Variants in MYOF observed in about 807,000 individuals in gnomAD.
MYOF encodes myoferlin.
Under a neutral mutation model 284.2 loss-of-function variants are expected in MYOF, and 244 were observed. The observed-to-expected ratio is 0.86, with a 90% CI of 0.77 to 0.95. The LOEUF is 0.95. Among genes scored for constraint, MYOF ranks in the 40% least tolerant of loss-of-function variants. MYOF has a pLI of 0.00. For synonymous variants in MYOF, 904 were observed against 919.7 expected (o/e 0.98, Z 0.31); for missense variants, 2,496 against 2,560.6 (o/e 0.97, Z 0.54).
intron 5 of MYOF, among the ~76,000 whole-genome samples, chr10:93,420,572 T>C (rs1028481381): frequency 4.6e-5 from 7 of 152,250 alleles, no homozygotes; most frequent in African/African-American, 1.7e-4. Flanking sequence ...TATGTGATCA[T>C]AGCTAGCTTC....
At chr10:93,473,844 C>T (rs940695420) in intron 1 of MYOF, among the ~76,000 whole-genome samples, 2 of 152,146 alleles carry the variant, frequency 1.3e-5, no homozygotes, top group Non-Finnish European at 2.9e-5. Context: ...AATGCTCCCC[C>T]ATTTGATCTT....
At chr10:93,381,149 A>G in intron 20 of MYOF, 70 bp downstream of exon 20, 1 of 1,500,128 alleles carries the variant, frequency 6.7e-7, no homozygotes, top group Non-Finnish European at 9.2e-7. Context: ...GGGAAGACAC[A>G]GTGCTTGCTT....
At chr10:93,339,496 G>A (rs538541060) in intron 39 of MYOF, among the ~76,000 whole-genome samples, 2 of 150,026 alleles carry the variant, frequency 1.3e-5, no homozygotes, top group African/African-American at 2.4e-5. Flanking sequence ...ACAGAGTCTC[G>A]CTCTGTTGCC....
chr10:93,478,176 C>T, intron 1 of MYOF: 1 of 290,438 alleles, frequency 3.4e-6, no homozygotes, highest in Non-Finnish European at 6.8e-6. Context: ...AGTTTTTTAA[C>T]AACCTGTTCT....
intron 22 of MYOF, among the ~76,000 whole-genome samples, chr10:93,375,471 G>A (rs1480746382): frequency 6.6e-6 from 1 of 152,220 alleles, no homozygotes; most frequent in Non-Finnish European, 1.5e-5. Flanking sequence ...GTGTCAACAC[G>A]TAGTGTGATG....
chr10:93,347,553 C>T lies in MYOF; in HGVS notation c.4249+64G>A, dbSNP rs866044869. Reference sequence around the variant, plus strand: ...CGGCCTGGGCGACAGAGCGAGACTCCGTCTCAAAAAAAAAAAAAAAAAAAA... The same window carrying T: ...CGGCCTGGGCGACAGAGCGAGACTCTGTCTCAAAAAAAAAAAAAAAAAAAA... On this transcript the variant is annotated intron_variant, in intron 37 of 53. Transcript: ENST00000359263. 1.1e-4 allele frequency: 39 copies of T among 351,810 alleles called. 1 individual carries two copies. The Middle Eastern group carries it at 7.8e-3, about 70-fold the overall frequency. 21.8% of individuals were successfully genotyped at this position (351,810 alleles called of 1,614,324 possible). A position where few individuals can be genotyped will look rare whatever the true frequency, so the allele number is the denominator to read the frequency against.
chr10:93,427,757 C>G (rs1442778214), intron 4 of MYOF, among the ~76,000 whole-genome samples: 1 of 152,020 alleles, frequency 6.6e-6, no homozygotes, highest in Admixed American at 6.6e-5. Context: ...TCACTACCAA[C>G]AGAAGGAAAC....
At chr10:93,390,206 T>C (rs1235650489) in intron 17 of MYOF, among the ~76,000 whole-genome samples, 2 of 152,196 alleles carry the variant, frequency 1.3e-5, no homozygotes, top group African/African-American at 4.8e-5. Flanking sequence ...ATGATGCCCA[T>C]TAATAAATAA....
In MYOF at chr10:93,359,949, C is replaced by A; in HGVS notation, c.3004G>T (p.Asp1002Tyr). The A allele has an allele frequency of 6.2e-7, 1 of 1,614,128 alleles. No homozygotes were observed. The highest frequency in any genetic ancestry group is 8.5e-7 in the Non-Finnish European group (1 of 1,180,016). The change falls in exon 29 of 54, where the codon GAT (aspartate) becomes TAT (tyrosine). Residue 1002 changes from aspartate to tyrosine, a missense_variant. Around this residue, in one of 3 missense-constraint regions of MYOF, gnomAD observed 2,436 missense variants for 2,480.7 expected, o/e 0.98. Coordinates refer to ENST00000359263, the MANE Select transcript of MYOF (RefSeq NM_013451.4). Reference protein sequence around the residue: ...GWEYGITIPPDHKPKSWVAAE... With the variant: ...GWEYGITIPPYHKPKSWVAAE... ...GCAACCCAGGATTTGGGCTTATGAT[C>A]AGGAGGAATGGTGATTCCATATTCC...
At chr10:93,369,154 A>C (rs141676729) in intron 25 of MYOF, among the ~76,000 whole-genome samples, 7 of 108,596 alleles carry the variant, frequency 6.4e-5, no homozygotes, top group African/African-American at 1.3e-4. Context: ...AGCCTATCTG[A>C]GGCTTCCCTT....
In MYOF at chr10:93,337,813, A is replaced by T; in HGVS notation, c.4437+2T>A. On this transcript the variant is annotated splice_donor_variant, in intron 40 of 53. Transcript: ENST00000359263. LOFTEE classifies it high-confidence loss of function. ...CACCCATAGCAGCATAGATCCAGGT[A>T]CCTTGAGCTTGGAATAGCCTTTCTG... The T allele has an allele frequency of 1.9e-6, 3 of 1,612,482 alleles. No individual in the cohort carries two copies. The highest frequency in any genetic ancestry group is 2.5e-6 in the Non-Finnish European group (3 of 1,178,562).
chr10:93,470,730 C>T (rs761700969), intron 1 of MYOF, among the ~76,000 whole-genome samples: 1 of 152,106 alleles, frequency 6.6e-6, no homozygotes. Context: ...AACGCTGGCC[C>T]CATTTACAGC....
chr10:93,435,834 T>C (rs1849092165), intron 3 of MYOF, among the ~76,000 whole-genome samples: 2 of 152,058 alleles, frequency 1.3e-5, no homozygotes, highest in East Asian at 1.9e-4. Context: ...CCCCAGCTAC[T>C]TGGGAGGCTG....
intron 1 of MYOF, among the ~76,000 whole-genome samples, chr10:93,464,654 G>A (rs975460215): frequency 2.6e-5 from 4 of 152,056 alleles, no homozygotes; most frequent in African/African-American, 7.2e-5. Context: ...GCATTCAGAC[G>A]AGATATATAA....
intron 5 of MYOF, among the ~76,000 whole-genome samples, chr10:93,412,880 C>T (rs943840000): frequency 3.3e-5 from 5 of 152,148 alleles, no homozygotes; most frequent in Admixed American, 6.5e-5. Context: ...GCACCAGCCT[C>T]GGGGAAGCAC....
At chr10:93,350,663 A>T (rs1378698345) in intron 35 of MYOF, among the ~76,000 whole-genome samples, 1 of 152,180 alleles carries the variant, frequency 6.6e-6, no homozygotes, top group Admixed American at 6.5e-5. Flanking sequence ...TTTCGAAGTG[A>T]TAGCCTCAGC....
chr10:93,441,525 C>G (rs1056831849), intron 3 of MYOF, among the ~76,000 whole-genome samples: 1 of 150,102 alleles, frequency 6.7e-6, no homozygotes, highest in Non-Finnish European at 1.5e-5. Flanking sequence ...GCTGGGATTA[C>G]AGGTGCCCGC....
chr10:93,353,126 G>A (rs980133351), intron 32 of MYOF, among the ~76,000 whole-genome samples: 1 of 152,182 alleles, frequency 6.6e-6, no homozygotes, highest in Admixed American at 6.5e-5. Context: ...GGGAAACTCT[G>A]CTGGGCTTTG....
At chr10:93,411,078 G>A (rs73321705) in intron 5 of MYOF, among the ~76,000 whole-genome samples, 2,982 of 152,322 alleles carry the variant, frequency 0.02, 95 homozygotes, top group African/African-American at 0.068. Flanking sequence ...ATCTATAGGC[G>A]AAGCCTTTAG....
Sources: allele counts gnomAD v4.1 joint callset (sites outside exome capture counted in the v4.1 genomes callset), GRCh38; gene constraint gnomAD v4.1.1; regional missense constraint gnomAD v4.1.1; transcripts MANE v1.5; gene names NCBI Gene and HGNC (gene_info 2026-07-23, HGNC 2026-07-21).